Variants in DGKI observed in about 807,000 individuals in gnomAD.
DGKI encodes DAG kinase iota.
DGKI carries 55 observed loss-of-function variants against 147.5 expected under a neutral mutation model. The ratio of observed to expected loss-of-function variants is 0.37; its 90% CI spans 0.30 to 0.47. The LOEUF is 0.47. Among genes scored for constraint, DGKI ranks in the 20% least tolerant of loss-of-function variants. The pLI is 1.00. For missense variants in DGKI, 1,007 were observed against 1,323.8 expected, an observed-to-expected ratio of 0.76 and a Z score of 3.71; for synonymous variants, 469 against 477.1, an observed-to-expected ratio of 0.98 and a Z score of 0.22.
At position 137,454,065 on chromosome 7, in the gene DGKI, C is replaced by T. The variant is rs552055206; in HGVS notation, c.2735+9424G>A. On this transcript the variant is annotated intron_variant, in intron 27 of 32. Transcript: ENST00000614521. Reference sequence around the variant, plus strand: ...TAAGTTCAAGAGATCCATTGTACAACATGGTGACTTTGGTTAATGATGATA... The same window carrying T: ...TAAGTTCAAGAGATCCATTGTACAATATGGTGACTTTGGTTAATGATGATA... Among the ~76,000 whole-genome samples the T allele has an allele frequency of 2.6e-5, 4 of 152,038 alleles. No homozygotes were observed. In the East Asian group the frequency reaches 7.8e-4, roughly 29 times the overall value.
chr7:137,655,968 C>A (rs1822203759), intron 4 of DGKI, among the ~76,000 whole-genome samples: 2 of 152,354 alleles, frequency 1.3e-5, no homozygotes, highest in South Asian at 4.1e-4. Context: ...TCCAGCCCCA[C>A]CCACACATTT....
intron 6 of DGKI, among the ~76,000 whole-genome samples, chr7:137,638,041 G>A (rs1821374958): frequency 6.6e-6 from 1 of 152,114 alleles, no homozygotes; most frequent in South Asian, 2.1e-4. Flanking sequence ...TCAGATTCAG[G>A]TTTTAATAAA....
intron 28 of DGKI, among the ~76,000 whole-genome samples, chr7:137,441,386 A>C (rs1813499690): frequency 7.2e-6 from 1 of 139,212 alleles, no homozygotes; most frequent in African/African-American, 2.7e-5. Context: ...GTGCCACTGC[A>C]CTCCAGCCTG....
chr7:137,496,473 T>A (rs952591146), intron 21 of DGKI, among the ~76,000 whole-genome samples: 1 of 151,386 alleles, frequency 6.6e-6, no homozygotes, highest in African/African-American at 2.4e-5. Context: ...AAAAATCATA[T>A]GAACCAAAAA....
At chr7:137,768,421 AAC>A (rs1796081644) in intron 1 of DGKI, among the ~76,000 whole-genome samples, 1 of 152,184 alleles carries the variant, frequency 6.6e-6, no homozygotes, top group African/African-American at 2.4e-5. Context: ...ATCATTTAAA[AAC>A]ACACATATTT....
intron 1 of DGKI, among the ~76,000 whole-genome samples, chr7:137,829,779 T>C (rs906684552): frequency 1.3e-5 from 2 of 152,232 alleles, no homozygotes; most frequent in Non-Finnish European, 2.9e-5. Context: ...GATTTCTTCA[T>C]TGGCTCTGTG....
intron 28 of DGKI, among the ~76,000 whole-genome samples, chr7:137,435,365 A>G (rs1528103): frequency 0.43 from 64,747 of 151,970 alleles, 14,397 homozygotes; most frequent in East Asian, 0.74. Context: ...TAGCGTCTAT[A>G]GAGGTGGTTC....
chr7:137,766,206 G>C (rs1796009195), intron 1 of DGKI, among the ~76,000 whole-genome samples: 1 of 152,178 alleles, frequency 6.6e-6, no homozygotes, highest in African/African-American at 2.4e-5. Flanking sequence ...CCGTTATTCT[G>C]AGACAAATAT....
In DGKI at chr7:137,706,223, C is replaced by T. The variant is rs148497117; in HGVS notation, c.402-16221G>A. Among the ~76,000 whole-genome samples, 341 of 151,830 alleles carry T rather than the reference C, an allele frequency of 2.2e-3. 2 individuals are homozygous for T. The highest frequency in any genetic ancestry group is 4.0e-3 in the Non-Finnish European group (269 of 67,934). On this transcript the variant is annotated intron_variant, in intron 1 of 32. Coordinates refer to ENST00000614521, the MANE Select transcript of DGKI (RefSeq NM_001321708.2). ...TTTATACCACAATTTATCAATGCCC[C>T]CTTACAGGGCCTTTTTACCCAAAGA...
Position 137,545,933 on chromosome 7 carries a change from C to T in DGKI, c.2147+6436G>A, listed in dbSNP as rs558914893. 41 of 702,492 alleles carry T rather than the reference C, an allele frequency of 5.8e-5. No individual in the cohort carries two copies. In the East Asian group the frequency reaches 8.6e-4, roughly 15 times the overall value. The allele number at this position is 702,492 out of a possible 1,614,324, so 43.5% of individuals were successfully genotyped here. A position where few individuals can be genotyped will look rare whatever the true frequency, so the allele number is the denominator to read the frequency against. On this transcript the variant is annotated intron_variant, in intron 20 of 32. Coordinates refer to ENST00000614521, the MANE Select transcript of DGKI (RefSeq NM_001321708.2). ...GGAGCCGGGGGGAGCAGACACTCGCCGCAGGTCCGCAGTTTGCACCTGATG... is the reference window on the plus strand; with the variant it reads ...GGAGCCGGGGGGAGCAGACACTCGCTGCAGGTCCGCAGTTTGCACCTGATG...
At chr7:137,568,232 T>C (rs571870735) in intron 19 of DGKI, among the ~76,000 whole-genome samples, 1 of 152,326 alleles carries the variant, frequency 6.6e-6, no homozygotes, top group South Asian at 2.1e-4. Context: ...TGAAACTACT[T>C]ATAGTTCCCA....
At chr7:137,449,893 C>T (rs552492390) in intron 27 of DGKI, among the ~76,000 whole-genome samples, 1 of 152,186 alleles carries the variant, frequency 6.6e-6, no homozygotes, top group African/African-American at 2.4e-5. Flanking sequence ...AAGTGTCCAT[C>T]AACGTACAAA....
chr7:137,459,796 C>T (rs978493019), intron 27 of DGKI, among the ~76,000 whole-genome samples: 1 of 152,016 alleles, frequency 6.6e-6, no homozygotes, highest in Non-Finnish European at 1.5e-5. Context: ...TTCTGTTCAT[C>T]ATCTGTCTGT....
At chr7:137,708,818 T>C (rs904330293) in intron 1 of DGKI, among the ~76,000 whole-genome samples, 1 of 152,156 alleles carries the variant, frequency 6.6e-6, no homozygotes, top group Admixed American at 6.5e-5. Context: ...ATGATGTTGA[T>C]AGGGAAAGGC....
chr7:137,842,526 T>C (rs1338024201), intron 1 of DGKI, among the ~76,000 whole-genome samples: 1 of 152,204 alleles, frequency 6.6e-6, no homozygotes, highest in East Asian at 1.9e-4. Context: ...ATCTCATAAG[T>C]AATGGTCTGC....
intron 1 of DGKI, among the ~76,000 whole-genome samples, chr7:137,720,745 G>A (rs567173331): frequency 1.3e-5 from 2 of 152,052 alleles, no homozygotes; most frequent in East Asian, 1.9e-4. Flanking sequence ...TTAGTATCAC[G>A]CTTCCTTTAT....
intron 8 of DGKI, among the ~76,000 whole-genome samples, chr7:137,612,300 A>T (rs1374050110): frequency 6.8e-6 from 1 of 146,386 alleles, no homozygotes; most frequent in Non-Finnish European, 1.5e-5. Context: ...AATGCATCTG[A>T]GGCCTTCTTC....
chr7:137,793,043 G>GCTATTATT (rs1250006922), intron 1 of DGKI, among the ~76,000 whole-genome samples: 1 of 152,134 alleles, frequency 6.6e-6, no homozygotes, highest in African/African-American at 2.4e-5. Context: ...AAGAATAGTT[G>GCTATTATT]CTATTATTGC....
intron 30 of DGKI, among the ~76,000 whole-genome samples, chr7:137,404,458 G>A (rs1811867640): frequency 6.6e-6 from 1 of 152,186 alleles, no homozygotes; most frequent in East Asian, 1.9e-4. Flanking sequence ...AGCTATAGTA[G>A]TAAAGTGTTA....
Sources: allele counts gnomAD v4.1 joint callset (sites outside exome capture counted in the v4.1 genomes callset), GRCh38; gene constraint gnomAD v4.1.1; transcripts MANE v1.5; gene names NCBI Gene and HGNC (gene_info 2026-07-23, HGNC 2026-07-21).